Variants in ACVR2A observed in about 807,000 individuals in gnomAD.
ACVR2A encodes activin A receptor type 2A, also known as activin receptor type-2A.
A neutral mutation model predicts 61.4 loss-of-function variants in ACVR2A; 7 were observed. The ratio of observed to expected loss-of-function variants is 0.11; its 90% CI spans 0.06 to 0.21. The LOEUF is 0.21. Among genes scored for constraint, ACVR2A ranks in the 10% least tolerant of loss-of-function variants. ACVR2A has a pLI of 1.00. For synonymous variants in ACVR2A, 193 were observed against 208.3 expected (o/e 0.93, Z 0.63); for missense variants, 322 against 621.7 (o/e 0.52, Z 5.13).
intron 4 of ACVR2A, 130 bp from the exon 5 acceptor site, chr2:147,915,061 T>G: frequency 1.2e-6 from 1 of 808,728 alleles, no homozygotes; most frequent in Non-Finnish European, 2.0e-6. Flanking sequence ...AACATTGAAG[T>G]TAATGTCATT....
At chr2:147,903,492 A>T (rs1185982972) in intron 4 of ACVR2A, among the ~76,000 whole-genome samples, 1 of 151,738 alleles carries the variant, frequency 6.6e-6, no homozygotes, top group Non-Finnish European at 1.5e-5. Context: ...CTCTCCCTTC[A>T]TCTGTACTAT....
intron 4 of ACVR2A, among the ~76,000 whole-genome samples, chr2:147,911,825 T>C (rs1687124855): frequency 6.6e-6 from 1 of 152,062 alleles, no homozygotes; most frequent in Non-Finnish European, 1.5e-5. Flanking sequence ...TTTTACTTGA[T>C]TAGAAGTTAA....
intron 1 of ACVR2A, among the ~76,000 whole-genome samples, chr2:147,870,694 T>C (rs1685991419): frequency 6.6e-6 from 1 of 152,200 alleles, no homozygotes. Flanking sequence ...CATTCTCCTG[T>C]TTAATCCACT....
At chr2:147,853,889 C>G (rs886127401) in intron 1 of ACVR2A, among the ~76,000 whole-genome samples, 1 of 152,130 alleles carries the variant, frequency 6.6e-6, no homozygotes, top group South Asian at 2.1e-4. Flanking sequence ...GGGGCATGGA[C>G]AAGTTATGAG....
chr2:147,881,439 AT>A (rs200818752), intron 1 of ACVR2A, among the ~76,000 whole-genome samples: 1,974 of 152,024 alleles, frequency 0.013, 50 homozygotes, highest in African/African-American at 0.045. Context: ...TCATATTGTA[AT>A]TTTTCTGCCT....
chr2:147,845,240 C>T (rs1573906166), intron 1 of ACVR2A, 33 bp downstream of exon 1: 1 of 1,603,300 alleles, frequency 6.2e-7, no homozygotes, highest in South Asian at 1.1e-5. Flanking sequence ...GGTGGGGCTG[C>T]TCCTGCGGCC....
intron 1 of ACVR2A, among the ~76,000 whole-genome samples, chr2:147,864,491 A>G (rs1685805506): frequency 6.6e-6 from 1 of 152,108 alleles, no homozygotes; most frequent in African/African-American, 2.4e-5. Flanking sequence ...TGGCCTCCCT[A>G]AGTGCTGGGA....
At chr2:147,908,327 G>A (rs368363059) in intron 4 of ACVR2A, among the ~76,000 whole-genome samples, 3 of 152,182 alleles carry the variant, frequency 2.0e-5, no homozygotes, top group East Asian at 1.9e-4. Context: ...GCATACCTAC[G>A]TTTTTTTCAG....
In ACVR2A at chr2:147,927,481, G is replaced by A. The variant is rs147387385; in HGVS notation, c.*207G>A. The A allele has an allele frequency of 1.4e-4, 67 of 468,428 alleles. No individual in the cohort carries two copies. Among genetic ancestry groups the A allele is most frequent in the Admixed American group, 2.9e-4 (7 of 23,738 alleles). 29.0% of individuals were successfully genotyped at this position (468,428 alleles called of 1,614,324 possible). On this transcript the variant is annotated 3_prime_UTR_variant, in exon 11 of 11. Coordinates refer to ENST00000241416, the MANE Select transcript of ACVR2A (RefSeq NM_001616.5). ...AGATGTGAAGGACATGAGACTAAGAGAAACCTTGCAAACTCTATAAAGAAA... is the reference window on the plus strand; with the variant it reads ...AGATGTGAAGGACATGAGACTAAGAAAAACCTTGCAAACTCTATAAAGAAA...
chr2:147,859,944 G>A (rs1685685332), intron 1 of ACVR2A, among the ~76,000 whole-genome samples: 2 of 152,136 alleles, frequency 1.3e-5, no homozygotes, highest in Admixed American at 6.6e-5. Context: ...GTAGGAAAAG[G>A]AGCTATGTAC....
At chr2:147,870,065 G>A (rs1171887969) in intron 1 of ACVR2A, among the ~76,000 whole-genome samples, 4 of 149,848 alleles carry the variant, frequency 2.7e-5, no homozygotes, top group Non-Finnish European at 5.9e-5. Context: ...GGGGTATATG[G>A]GAGGACGTAT....
At chr2:147,879,240 TTTC>T (rs1686235636) in intron 1 of ACVR2A, among the ~76,000 whole-genome samples, 1 of 152,136 alleles carries the variant, frequency 6.6e-6, no homozygotes, top group African/African-American at 2.4e-5. Flanking sequence ...AGAACAGAAA[TTTC>T]TTCTCTTACA....
intron 1 of ACVR2A, among the ~76,000 whole-genome samples, chr2:147,846,516 AT>A (rs962298538): frequency 1.3e-5 from 2 of 151,952 alleles, no homozygotes; most frequent in African/African-American, 4.8e-5. Flanking sequence ...GTCTAGTCTT[AT>A]GTCTGTAGTG....
intron 4 of ACVR2A, among the ~76,000 whole-genome samples, chr2:147,903,199 C>A (rs1686911095): frequency 1.3e-5 from 2 of 150,626 alleles, no homozygotes; most frequent in African/African-American, 4.9e-5. Context: ...AATACAAATT[C>A]TAGAATAAAT....
chr2:147,884,385 G>A (rs913620947), intron 1 of ACVR2A, among the ~76,000 whole-genome samples: 8 of 152,056 alleles, frequency 5.3e-5, no homozygotes, highest in African/African-American at 1.9e-4. Context: ...CTTAAAACCC[G>A]GGCATTTGTA....
At chr2:147,886,948 C>G (rs544911015) in intron 1 of ACVR2A, among the ~76,000 whole-genome samples, 8 of 152,216 alleles carry the variant, frequency 5.3e-5, no homozygotes, top group Non-Finnish European at 1.0e-4. Context: ...GCTTGGCTCA[C>G]ACCTGTAATC....
At position 147,929,383 on chromosome 2, in the gene ACVR2A, C is replaced by T. The variant is rs1291367056; in HGVS notation, c.*2109C>T. The T allele has an allele frequency of 6.7e-6, 1 of 150,128 alleles. No homozygotes were observed. Among genetic ancestry groups the T allele is most frequent in the African/African-American group, 2.4e-5 (1 of 40,830 alleles). The allele number at this position is 150,128 out of a possible 1,614,324, so 9.3% of individuals were successfully genotyped here. Reference sequence around the variant, plus strand: ...TTTAACTTTCTTTTTAAAAGTTAAACAAAAATAAACAAGGGATATTATGAT... The same window carrying T: ...TTTAACTTTCTTTTTAAAAGTTAAATAAAAATAAACAAGGGATATTATGAT... On this transcript the variant is annotated 3_prime_UTR_variant, in exon 11 of 11. Transcript: ENST00000241416.
At chr2:147,892,040 C>T (rs796609201) in intron 1 of ACVR2A, among the ~76,000 whole-genome samples, 8 of 151,834 alleles carry the variant, frequency 5.3e-5, no homozygotes, top group African/African-American at 9.7e-5. Flanking sequence ...GGTACGATCT[C>T]GGCTCACTGC....
chr2:147,859,661 G>T (rs1009475715), intron 1 of ACVR2A, among the ~76,000 whole-genome samples: 1 of 152,066 alleles, frequency 6.6e-6, no homozygotes, highest in African/African-American at 2.4e-5. Flanking sequence ...AGGGTTTGGG[G>T]TACTGATCCT....
Sources: allele counts gnomAD v4.1 joint callset (sites outside exome capture counted in the v4.1 genomes callset), GRCh38; gene constraint gnomAD v4.1.1; transcripts MANE v1.5; gene names NCBI Gene and HGNC (gene_info 2026-07-23, HGNC 2026-07-21).